CLIP2: variants seen among roughly 807,000 people sequenced by gnomAD.
The protein encoded by CLIP2 is CAP-Gly domain-containing linker protein 2.
Under a neutral mutation model 111.7 loss-of-function variants are expected in CLIP2, and 41 were observed. The ratio of observed to expected loss-of-function variants is 0.37; its 90% CI spans 0.29 to 0.48. The LOEUF (loss-of-function observed/expected upper bound fraction) is 0.48, where lower values mean the gene tolerates loss of function less well. Among genes scored for constraint, CLIP2 ranks in the 20% least tolerant of loss-of-function variants. The pLI is 0.99. For missense variants in CLIP2, 1,160 were observed against 1,422.1 expected (o/e 0.82, Z 2.96); for synonymous variants, 660 against 644.2 (o/e 1.02, Z -0.37).
At chr7:74,345,812 A>G (rs917163813) in intron 3 of CLIP2, among the ~76,000 whole-genome samples, 10 of 151,870 alleles carry the variant, frequency 6.6e-5, no homozygotes, top group Non-Finnish European at 1.2e-4. Flanking sequence ...CTGCCATTGC[A>G]CTCCAGCCTG....
chr7:74,290,760 C>T (rs1343100594), intron 1 of CLIP2, among the ~76,000 whole-genome samples: 9 of 152,074 alleles, frequency 5.9e-5, no homozygotes, highest in African/African-American at 7.2e-5. Context: ...CTTCAGAAGC[C>T]TCTTCCCTTT....
At chr7:74,386,009 T>G (rs1791083485) in intron 11 of CLIP2, among the ~76,000 whole-genome samples, 1 of 150,740 alleles carries the variant, frequency 6.6e-6, no homozygotes, top group Non-Finnish European at 1.5e-5. Flanking sequence ...CCCAAAATGC[T>G]GGGATTATAG....
At chr7:74,298,266 ATCTCCACCTTCTGGGT>A (rs1788228037) in intron 1 of CLIP2, among the ~76,000 whole-genome samples, 1 of 150,858 alleles carries the variant, frequency 6.6e-6, no homozygotes, top group Non-Finnish European at 1.5e-5. Flanking sequence ...GCTCACTGTG[ATCTCCACCTTCTGGGT>A]TCAAGCAATT....
chr7:74,376,855 G>A lies in CLIP2; in HGVS notation c.2421+33G>A. 6.6e-7 allele frequency: 1 copy of A among 1,509,772 alleles called. No individual in the cohort carries two copies. The highest frequency in any genetic ancestry group is 2.4e-5 in the East Asian group (1 of 41,592). The allele number at this position is 1,509,772 out of a possible 1,614,324, so 93.5% of individuals were successfully genotyped here. A position where few individuals can be genotyped will look rare whatever the true frequency, so the allele number is the denominator to read the frequency against. On this transcript the variant is annotated intron_variant, in intron 10 of 16. Transcript: ENST00000223398. This position sits in a 1 kb window ranked among gnomAD's most constrained non-coding sequence, Gnocchi z 7.1. ...CCTGCCCCTCCTGCTGGGGCGGGAG[G>A]GTCGGGCTGGGGAGGGCTTGGCCTT...
chr7:74,313,592 C>T (rs1788696334), intron 1 of CLIP2, among the ~76,000 whole-genome samples: 1 of 151,846 alleles, frequency 6.6e-6, no homozygotes, highest in Admixed American at 6.6e-5. Flanking sequence ...CCCAAGTGGC[C>T]AGCTTCAGGC....
intron 1 of CLIP2, among the ~76,000 whole-genome samples, chr7:74,297,323 G>T (rs889000378): frequency 6.6e-6 from 1 of 152,128 alleles, no homozygotes; most frequent in African/African-American, 2.4e-5. Context: ...AAATAAGAAA[G>T]AAATAACTGG....
intron 13 of CLIP2, among the ~76,000 whole-genome samples, chr7:74,396,136 G>A (rs947424023): frequency 2.0e-5 from 3 of 152,188 alleles, no homozygotes; most frequent in Non-Finnish European, 2.9e-5. Context: ...ATTACCAATC[G>A]ATCACTGCAC....
At chr7:74,334,665 C>T (rs1192381938) in intron 2 of CLIP2, among the ~76,000 whole-genome samples, 1 of 152,030 alleles carries the variant, frequency 6.6e-6, no homozygotes, top group African/African-American at 2.4e-5. Flanking sequence ...CTGCCAGGCA[C>T]CCACTGTGCG....
At chr7:74,355,405 T>C (rs1790117130) in intron 4 of CLIP2, among the ~76,000 whole-genome samples, 1 of 152,038 alleles carries the variant, frequency 6.6e-6, no homozygotes, top group African/African-American at 2.4e-5. Context: ...AAGCCAGCAG[T>C]TAAAGACTAG....
At position 74,376,810 on chromosome 7, in the gene CLIP2, C is replaced by T. The variant is rs1554313077; in HGVS notation, c.2409C>T (p.Ser803=). Residue 803 remains serine, a synonymous_variant, in exon 10 of 17, where the codon TCC becomes TCT. Coordinates refer to ENST00000223398, the MANE Select transcript of CLIP2 (RefSeq NM_003388.5). The surrounding 1 kb of genome is among the most constrained non-coding windows in gnomAD (Gnocchi z 7.1). ...AGGCGGTCGAGGCCCTGTGCTCCTC[C>T]CAGCACACCCACGTAGGCGCCTGCC... ...RLQAVEALCS[S]QHTHMIESND... The T allele has an allele frequency of 6.3e-7, 1 of 1,593,438 alleles. No individual in the cohort carries two copies.
chr7:74,308,366 C>CT (rs1324406847), intron 1 of CLIP2, among the ~76,000 whole-genome samples: 4 of 152,106 alleles, frequency 2.6e-5, no homozygotes, highest in Non-Finnish European at 5.9e-5. Flanking sequence ...CCTGTGGTGT[C>CT]TGACCAGCTG....
chr7:74,344,678 C>T (rs1014428767), intron 3 of CLIP2, among the ~76,000 whole-genome samples: 2 of 152,116 alleles, frequency 1.3e-5, no homozygotes, highest in African/African-American at 4.8e-5. Context: ...GCTGGGATTA[C>T]AGGCATGAGC....
chr7:74,322,591 A>G (rs1788992908), intron 2 of CLIP2, among the ~76,000 whole-genome samples: 1 of 152,060 alleles, frequency 6.6e-6, no homozygotes, highest in Non-Finnish European at 1.5e-5. Flanking sequence ...ACAAACAGAC[A>G]GGAGACAGGA....
chr7:74,314,688 G>A (rs941223924), intron 1 of CLIP2, among the ~76,000 whole-genome samples: 1 of 152,222 alleles, frequency 6.6e-6, no homozygotes, highest in African/African-American at 2.4e-5. Flanking sequence ...ATTGGACGGT[G>A]CTCCCCAGGG....
rs868985608 is a variant in CLIP2 at position 74,389,190 on chromosome 7, T to G, written c.2651T>G (p.Val884Gly). 1.2e-6 allele frequency: 2 copies of G among 1,613,598 alleles called. No individual in the cohort carries two copies. The highest frequency in any genetic ancestry group is 2.7e-5 in the African/African-American group (2 of 75,046). The change falls in exon 13 of 17, where the codon GTG becomes GGG. Residue 884 changes from valine to glycine, a missense_variant. By Grantham distance (109) the Val-to-Gly change is moderately radical. Around this residue, in one of 5 missense-constraint regions of CLIP2, gnomAD observed 676 missense variants for 777.8 expected, o/e 0.87. Coordinates refer to ENST00000223398, the MANE Select transcript of CLIP2 (RefSeq NM_003388.5). ...CGCCTGGAGGCAGAGCTGGAGACCG[T>G]GTCCCGGAAGACCCATGACGCCTCG... Reference protein sequence around the residue: ...KRRLEAELETVSRKTHDASGQ... With the variant: ...KRRLEAELETGSRKTHDASGQ...
chr7:74,394,908 T>G (rs1356512211), intron 13 of CLIP2, among the ~76,000 whole-genome samples: 1 of 152,166 alleles, frequency 6.6e-6, no homozygotes, highest in Non-Finnish European at 1.5e-5. Context: ...TCTCACCTTC[T>G]CCGAGGAAGC....
chr7:74,303,911 CAAA>C (rs34205594), intron 1 of CLIP2, among the ~76,000 whole-genome samples: 1 of 124,752 alleles, frequency 8.0e-6, no homozygotes. Flanking sequence ...GACTCGGTCT[CAAA>C]AAAAAAAAAA....
chr7:74,383,541 G>C (rs1337767195), intron 11 of CLIP2, among the ~76,000 whole-genome samples: 1 of 152,108 alleles, frequency 6.6e-6, no homozygotes, highest in Non-Finnish European at 1.5e-5. Context: ...ACATAAAATA[G>C]ACATGTGCAG....
At chr7:74,381,456 G>A (rs1790944896) in intron 11 of CLIP2, 3 of 353,666 alleles carry the variant, frequency 8.5e-6, no homozygotes, top group African/African-American at 2.1e-5. Flanking sequence ...CGAAGTGTTG[G>A]GATTACAGGC....
Sources: allele counts gnomAD v4.1 joint callset (sites outside exome capture counted in the v4.1 genomes callset), GRCh38; gene constraint gnomAD v4.1.1; regional missense constraint gnomAD v4.1.1; non-coding constraint Gnocchi (gnomAD v3.1); transcripts MANE v1.5; gene names NCBI Gene and HGNC (gene_info 2026-07-23, HGNC 2026-07-21).